The following ABCC3 variants were observed in gnomAD, a reference collection of about 807,000 sequenced individuals.
The protein encoded by ABCC3 is ATP-binding cassette sub-family C member 3.
A neutral mutation model predicts 165.3 loss-of-function variants in ABCC3; 121 were observed. The observed-to-expected ratio is 0.73, with a 90% CI of 0.63 to 0.85. ABCC3 has a LOEUF of 0.85. Among genes scored for constraint, ABCC3 ranks in the 40% least tolerant of loss-of-function variants. The pLI is 0.00. For missense variants in ABCC3, 1,869 were observed against 1,964.1 expected (o/e 0.95, Z 0.92); for synonymous variants, 733 against 810.1 (o/e 0.90, Z 1.62).
At chr17:50,684,905 C>T (rs367763963) in intron 29 of ABCC3, 30 bp downstream of exon 29, 1 of 1,605,500 alleles carries the variant, frequency 6.2e-7, no homozygotes, top group Non-Finnish European at 8.5e-7. Flanking sequence ...AGGTCAGGAA[C>T]TGCAACCCTC....
rs1567835711 is a variant in ABCC3, at chr17:50,674,026, CTCTCTCTCTCTTTCTTTCTT to C, written c.2599+372_2599+391del. On this transcript the variant is annotated intron_variant, in intron 19 of 30. Transcript: ENST00000285238. ...TCTCTCTCTCTCTCTCTCTCTCTCT[CTCTCTCTCTCTTTCTTTCTT>C]TCTTTCTTTCTTTCTTTCTTTCTTT... Among the ~76,000 whole-genome samples, 10 of 5,548 alleles carry C rather than the reference CTCTCTCTCTCTTTCTTTCTT, an allele frequency of 1.8e-3. 1 individual carries two copies. The highest frequency in any genetic ancestry group is 5.5e-3 in the African/African-American group (6 of 1,100). 3.6% of individuals were successfully genotyped at this position (5,548 alleles called of 152,430 possible). A position where few individuals can be genotyped will look rare whatever the true frequency, so the allele number is the denominator to read the frequency against.
intron 29 of ABCC3, 84 bp from the exon 30 acceptor site, chr17:50,687,452 T>C (rs1360052034): frequency 3.6e-6 from 5 of 1,384,024 alleles, no homozygotes; most frequent in Non-Finnish European, 5.0e-6. Flanking sequence ...CCTGGGCCAC[T>C]GAGGAGTGAA....
intron 13 of ABCC3, 152 bp from the exon 14 acceptor site, chr17:50,668,278 C>G: frequency 1.5e-6 from 1 of 684,468 alleles, no homozygotes; most frequent in Non-Finnish European, 2.5e-6. Flanking sequence ...GCAGTGGGAG[C>G]CATGGAAGAC....
chr17:50,685,267 C>T (rs1240561650), intron 29 of ABCC3, among the ~76,000 whole-genome samples: 1 of 152,206 alleles, frequency 6.6e-6, no homozygotes, highest in Non-Finnish European at 1.5e-5. Flanking sequence ...AGCCACTGGG[C>T]TATGCACTGG....
chr17:50,682,615 C>T (rs538705904), intron 26 of ABCC3, among the ~76,000 whole-genome samples: 71 of 152,154 alleles, frequency 4.7e-4, no homozygotes, highest in East Asian at 3.7e-3. Context: ...TCACCTCCTT[C>T]GGGTCTTTAC....
chr17:50,659,115 A>G (rs1228345512), intron 6 of ABCC3, 122 bp from the exon 7 acceptor site: 9 of 1,190,532 alleles, frequency 7.6e-6, no homozygotes, highest in South Asian at 7.5e-5. Context: ...TCATGGTCAC[A>G]GTGCCCGAGG....
Position 50,663,661 on chromosome 17 carries a change from C to T in ABCC3, c.999-20C>T, listed in dbSNP as rs1395337270. ...CATGGGGGCAGCACTGCCCACCTCA[C>T]TCCTCTCTCCTCCCCACAGCATCCT... On this transcript the variant is annotated intron_variant, in intron 8 of 30. Coordinates refer to ENST00000285238, the MANE Select transcript of ABCC3 (RefSeq NM_003786.4). 1 of 1,613,436 alleles carries T rather than the reference C, an allele frequency of 6.2e-7. No homozygotes were observed. The highest frequency in any genetic ancestry group is 8.5e-7 in the Non-Finnish European group (1 of 1,179,674).
chr17:50,659,485 A>T (rs1464969387), intron 7 of ABCC3, 117 bp downstream of exon 7: 4 of 1,285,330 alleles, frequency 3.1e-6, no homozygotes, highest in Non-Finnish European at 4.2e-6. Flanking sequence ...GAGCAGGACC[A>T]GGTGATTTCT....
Position 50,683,967 on chromosome 17 carries a change from A to C in ABCC3, c.3973A>C (p.Thr1325Pro). ...CGCCCAGGTGGGGATCGTGGGCCGC[A>C]CTGGGGCTGGCAAGTCTTCCATGAC... ...GGEKVGIVGR[T>P]GAGKSSMTLC... The change falls in exon 28 of 31, where the codon ACT (threonine) becomes CCT (proline). Residue 1325 changes from threonine (T) to proline (P), a missense_variant. Thr to Pro is a conservative substitution (Grantham distance 38, BLOSUM62 -1). Transcript: ENST00000285238. 1 of 1,613,262 alleles carries C rather than the reference A, an allele frequency of 6.2e-7. No individual in the cohort carries two copies. Among genetic ancestry groups the C allele is most frequent in the Non-Finnish European group, 8.5e-7 (1 of 1,179,656 alleles).
chr17:50,683,971 G>A lies in ABCC3; in HGVS notation c.3977G>A (p.Gly1326Glu), dbSNP rs749376598. The A allele has an allele frequency of 2.5e-6, 4 of 1,613,158 alleles. No homozygotes were observed. Among genetic ancestry groups the A allele is most frequent in the East Asian group, 4.5e-5 (2 of 44,810 alleles). Residue 1326 changes from glycine (G) to glutamate (E), a missense_variant, in exon 28 of 31, where the codon GGG becomes GAG. Coordinates refer to ENST00000285238, the MANE Select transcript of ABCC3 (RefSeq NM_003786.4). ...CAGGTGGGGATCGTGGGCCGCACTG[G>A]GGCTGGCAAGTCTTCCATGACCCTT... is the stretch of plus-strand genomic sequence containing the variant. ...GEKVGIVGRT[G>E]AGKSSMTLCL...
At chr17:50,667,011 G>T (rs1967539168) in intron 11 of ABCC3, among the ~76,000 whole-genome samples, 1 of 152,164 alleles carries the variant, frequency 6.6e-6, no homozygotes, top group Admixed American at 6.5e-5. Context: ...CATGAGGCCA[G>T]GAGTTTGAAA....
intron 19 of ABCC3, among the ~76,000 whole-genome samples, chr17:50,673,990 C>CCT (rs1967733210): frequency 2.5e-4 from 2 of 8,162 alleles, no homozygotes; most frequent in African/African-American, 6.0e-4. Flanking sequence ...CTCTCTCTCT[C>CCT]TCTCTCTCTC....
At chr17:50,683,514 T>A (rs568666576) in intron 26 of ABCC3, 96 bp from the exon 27 acceptor site, 12 of 1,345,568 alleles carry the variant, frequency 8.9e-6, no homozygotes, top group African/African-American at 3.0e-5. Context: ...GGGACCATAG[T>A]TGGGGAGGAT....
intron 11 of ABCC3, among the ~76,000 whole-genome samples, chr17:50,665,706 A>G (rs1275865963): frequency 1.3e-5 from 2 of 151,658 alleles, no homozygotes; most frequent in Non-Finnish European, 2.9e-5. Flanking sequence ...CCCGGGTTCA[A>G]GCGATCTTCC....
chr17:50,659,197 C>A (rs1451385395), intron 6 of ABCC3, 40 bp from the exon 7 acceptor site: 5 of 1,607,784 alleles, frequency 3.1e-6, no homozygotes, highest in Non-Finnish European at 4.3e-6. Context: ...TAAACCCTGA[C>A]CCTCTGCGGG....
At chr17:50,635,233 A>G in intron 1 of ABCC3, 1 of 623,886 alleles carries the variant, frequency 1.6e-6, no homozygotes, top group Non-Finnish European at 2.9e-6. Flanking sequence ...AGCCCGGGAA[A>G]GTGAGGAAGA....
rs191057975 is a variant in ABCC3, at chr17:50,663,982, G to A, written c.1209G>A (p.Ala403=). The part of the protein sequence containing the change: ...ALVITNSVKR[A]STVGEIVNLM... Reference sequence around the variant, plus strand: ...TTATCACCAACTCAGTCAAACGTGCGTCCACTGTGGGGGAAATTGTCAACC... The same window carrying A: ...TTATCACCAACTCAGTCAAACGTGCATCCACTGTGGGGGAAATTGTCAACC... Residue 403 remains alanine (A), a synonymous_variant, in exon 10 of 31, where the codon GCG becomes GCA. Transcript: ENST00000285238. 7.3e-5 allele frequency: 118 copies of A among 1,614,146 alleles called. 1 individual carries two copies. The highest frequency in any genetic ancestry group is 3.7e-4 in the African/African-American group (28 of 75,026).
At chr17:50,635,201 C>A in intron 1 of ABCC3, 1 of 625,918 alleles carries the variant, frequency 1.6e-6, no homozygotes, top group South Asian at 2.0e-5. Context: ...CTGCTCTGCC[C>A]TTCCCGGCTG....
In ABCC3 at chr17:50,686,561, C is replaced by A. The variant is rs571259250; in HGVS notation, c.4281-975C>A. Among the ~76,000 whole-genome samples the A allele has an allele frequency of 2.0e-5, 3 of 152,222 alleles. No homozygotes were observed. The East Asian group carries it at 5.8e-4, about 30-fold the overall frequency. ...GGCGGACAAACATGGTCTCTCCAGACCCTGTGCCCCATGACTGTCTCTTGC... is the reference window on the plus strand; with the variant it reads ...GGCGGACAAACATGGTCTCTCCAGAACCTGTGCCCCATGACTGTCTCTTGC... On this transcript the variant is annotated intron_variant, in intron 29 of 30. Transcript: ENST00000285238.
Sources: gnomAD v4.1 joint callset for allele counts (sites outside exome capture counted in the v4.1 genomes callset) on GRCh38, gnomAD v4.1.1 for gene constraint, MANE v1.5 for transcripts, NCBI Gene and HGNC (gene_info 2026-07-23, HGNC 2026-07-21) for gene names.